The following PABPC4L variants were observed in gnomAD, a reference collection of about 807,000 sequenced individuals.
The protein encoded by PABPC4L is poly(A) binding protein cytoplasmic 4 like, also known as polyadenylate-binding protein 4-like.
For missense variants in PABPC4L, 452 were observed against 451.4 expected (o/e 1.00, Z -0.01); for synonymous variants, 169 against 164.1 (o/e 1.03, Z -0.23).
the PABPC4L span, among the ~76,000 whole-genome samples, chr4:133,982,084 C>CT: frequency 6.6e-6 from 1 of 151,896 alleles, no homozygotes; most frequent in East Asian, 1.9e-4. Flanking sequence ...TTAATTTTGC[C>CT]TTGCCATCAA....
the PABPC4L span, among the ~76,000 whole-genome samples, chr4:134,154,391 G>C: frequency 6.6e-6 from 1 of 151,900 alleles, no homozygotes; most frequent in Admixed American, 6.6e-5. Context: ...TGGAGGCAGG[G>C]GTTGCAGTGA....
the PABPC4L span, among the ~76,000 whole-genome samples, chr4:134,057,795 G>A: frequency 6.6e-6 from 1 of 151,976 alleles, no homozygotes; most frequent in Non-Finnish European, 1.5e-5. Flanking sequence ...TATCCTATGT[G>A]TCTAGGCCAT....
chr4:134,017,004 G>C, the PABPC4L span, among the ~76,000 whole-genome samples: 3 of 152,216 alleles, frequency 2.0e-5, no homozygotes, highest in African/African-American at 7.2e-5. Context: ...GTCTGAGAAG[G>C]CCACCGCGGT....
At chr4:134,156,990 AT>A in the PABPC4L span, among the ~76,000 whole-genome samples, 1 of 151,878 alleles carries the variant, frequency 6.6e-6, no homozygotes, top group Non-Finnish European at 1.5e-5. Context: ...TGGTTTTAAA[AT>A]AACTTTAAAA....
the PABPC4L span, among the ~76,000 whole-genome samples, chr4:134,184,334 T>C: frequency 6.6e-6 from 1 of 151,910 alleles, no homozygotes; most frequent in South Asian, 2.1e-4. Context: ...ACAAAAAAAA[T>C]TCCAAGTGGA....
At chr4:134,148,177 AT>A in the PABPC4L span, among the ~76,000 whole-genome samples, 3,409 of 152,184 alleles carry the variant, frequency 0.022, 128 homozygotes, top group African/African-American at 0.077. Context: ...ATTAGCCATA[AT>A]TTACTGAACC....
the PABPC4L span, among the ~76,000 whole-genome samples, chr4:134,185,748 C>T: frequency 6.6e-6 from 1 of 152,220 alleles, no homozygotes; most frequent in Non-Finnish European, 1.5e-5. Context: ...GTCAAATTGT[C>T]CCTGTTTGCA....
the PABPC4L span, among the ~76,000 whole-genome samples, chr4:134,138,269 T>C: frequency 6.6e-6 from 1 of 151,834 alleles, no homozygotes; most frequent in Non-Finnish European, 1.5e-5. Flanking sequence ...CACTTACTCA[T>C]TACACATTTA....
At chr4:133,972,361 G>T in the PABPC4L span, among the ~76,000 whole-genome samples, 14 of 152,070 alleles carry the variant, frequency 9.2e-5, no homozygotes, top group African/African-American at 3.4e-4. Context: ...TTCTGACAAT[G>T]AAATTATTTC....
At chr4:134,066,616 C>G in the PABPC4L span, among the ~76,000 whole-genome samples, 1 of 152,056 alleles carries the variant, frequency 6.6e-6, no homozygotes, top group African/African-American at 2.4e-5. Flanking sequence ...TTGCCTTGTT[C>G]CAGTTTTAAA....
At chr4:134,111,903 G>T in the PABPC4L span, among the ~76,000 whole-genome samples, 22 of 151,920 alleles carry the variant, frequency 1.4e-4, no homozygotes, top group Admixed American at 1.3e-3. Flanking sequence ...AAGGCACAAA[G>T]ATTTTATTAC....
the PABPC4L span, among the ~76,000 whole-genome samples, chr4:133,970,894 T>C: frequency 6.6e-6 from 1 of 152,266 alleles, no homozygotes; most frequent in Admixed American, 6.5e-5. Context: ...CAATACCTTG[T>C]CCTGGAACTT....
chr4:134,029,703 T>C, the PABPC4L span, among the ~76,000 whole-genome samples: 1 of 151,864 alleles, frequency 6.6e-6, no homozygotes, highest in Non-Finnish European at 1.5e-5. Context: ...TAATTGTTAC[T>C]TATGATTTAT....
At chr4:134,117,334 A>G in the PABPC4L span, among the ~76,000 whole-genome samples, 1 of 151,798 alleles carries the variant, frequency 6.6e-6, no homozygotes, top group Non-Finnish European at 1.5e-5. Context: ...CTCTGAATCT[A>G]AGTACCTCAA....
the PABPC4L span, among the ~76,000 whole-genome samples, chr4:134,173,456 C>T: frequency 6.6e-6 from 1 of 151,840 alleles, no homozygotes; most frequent in East Asian, 1.9e-4. Context: ...GTAAGACAGG[C>T]ACAAAGAGAC....
At chr4:134,071,993 T>C in the PABPC4L span, among the ~76,000 whole-genome samples, 1 of 152,040 alleles carries the variant, frequency 6.6e-6, no homozygotes. Flanking sequence ...GAATTTAGCA[T>C]ACTGACAAAA....
chr4:134,072,204 A>G, the PABPC4L span, among the ~76,000 whole-genome samples: 2 of 152,268 alleles, frequency 1.3e-5, no homozygotes, highest in South Asian at 2.1e-4. Context: ...GCATTGTCCC[A>G]TAATACCACA....
the PABPC4L span, among the ~76,000 whole-genome samples, chr4:134,069,280 A>G: frequency 6.6e-6 from 1 of 152,036 alleles, no homozygotes; most frequent in African/African-American, 2.4e-5. Context: ...GGTGTTGGAG[A>G]ATATGATGAC....
the PABPC4L span, among the ~76,000 whole-genome samples, chr4:134,103,875 A>G: frequency 6.6e-6 from 1 of 151,680 alleles, no homozygotes; most frequent in Non-Finnish European, 1.5e-5. Context: ...AAACCTTGCC[A>G]TTTGTTTGTC....
Sources: allele counts gnomAD v4.1 joint callset (sites outside exome capture counted in the v4.1 genomes callset), GRCh38; gene constraint gnomAD v4.1.1; transcripts MANE v1.5; gene names NCBI Gene and HGNC (gene_info 2026-07-23, HGNC 2026-07-21).